The following PLCH2 variants were observed in gnomAD, a reference collection of about 807,000 sequenced individuals.
PLCH2 encodes the protein phospholipase C eta 2.
In PLCH2, 98 loss-of-function variants were observed where a neutral mutation model predicts 134.7. That is an observed-to-expected ratio of 0.73 (90% CI 0.62 to 0.86). PLCH2 has a LOEUF of 0.86. PLCH2 is among the 40% of genes least tolerant of loss of function. The pLI, the probability that PLCH2 is intolerant of heterozygous loss-of-function variation, is 0.00. For synonymous variants in PLCH2, 974 were observed against 827.5 expected, an observed-to-expected ratio of 1.18 and a Z score of -3.04; for missense variants, 1,994 against 1,986.6, an observed-to-expected ratio of 1.00 and a Z score of -0.07.
chr1:2,501,025 A>T (rs2477708), intron 20 of PLCH2: 1 of 150,760 alleles, frequency 6.6e-6, no homozygotes, highest in Non-Finnish European at 1.5e-5. Context: ...ATGCCAGTGC[A>T]TGGGATGAGG....
rs1400730641 is a variant in PLCH2, at chr1:2,495,496, C to T, written c.1761C>T (p.Gly587=). Residue 587 remains glycine (G), a synonymous_variant, in exon 13 of 22, where the codon GGC becomes GGT. Coordinates refer to ENST00000378486, the MANE Select transcript of PLCH2 (RefSeq NM_014638.4). ...VGSFSRRKKK[G]SKLKKAASVE... is the part of the protein sequence containing the mutation. ...CTCTGCCCCCCGCACAGAAGAAGGGCAGCAAGCTGAAGAAGGCGGCCAGCG... is the reference window on the plus strand; with the variant it reads ...CTCTGCCCCCCGCACAGAAGAAGGGTAGCAAGCTGAAGAAGGCGGCCAGCG... The T allele has an allele frequency of 1.3e-6, 2 of 1,551,566 alleles. No homozygotes were observed. The highest frequency in any genetic ancestry group is 1.7e-6 in the Non-Finnish European group (2 of 1,146,978).
intron 2 of PLCH2, among the ~76,000 whole-genome samples, chr1:2,454,864 G>A (rs1409964142): frequency 6.6e-6 from 1 of 152,152 alleles, no homozygotes; most frequent in African/African-American, 2.4e-5. Context: ...GTGAGACAGA[G>A]CAGGTGGCTC....
At chr1:2,420,873 A>G in the PLCH2 span, among the ~76,000 whole-genome samples, 10 of 151,898 alleles carry the variant, frequency 6.6e-5, no homozygotes, top group African/African-American at 2.4e-4. Flanking sequence ...TGTATTTTCC[A>G]GAATGCTGTG....
rs928973187 is a variant in PLCH2 at position 2,495,640 on chromosome 1, C to T, written c.1835+70C>T. 4.5e-5 allele frequency: 50 copies of T among 1,117,284 alleles called. 1 individual carries two copies. The highest frequency in any genetic ancestry group is 5.8e-4 in the Middle Eastern group (2 of 3,450). 69.2% of individuals were successfully genotyped at this position (1,117,284 alleles called of 1,614,324 possible). ...CCTGGCCCAACCGGGCCCTTCTCTG[C>T]GGTGACCCCACCAGGACCATCCCTG... On this transcript the variant is annotated intron_variant, in intron 13 of 21. Transcript: ENST00000378486.
At chr1:2,419,624 C>T in the PLCH2 span, among the ~76,000 whole-genome samples, 6 of 152,098 alleles carry the variant, frequency 3.9e-5, no homozygotes, top group African/African-American at 1.4e-4. Flanking sequence ...CACCCCACCA[C>T]CTCACTGGCT....
upstream of PLCH2, among the ~76,000 whole-genome samples, chr1:2,421,143 C>T (rs1203762547): frequency 6.6e-6 from 1 of 152,134 alleles, no homozygotes; most frequent in Non-Finnish European, 1.5e-5. Flanking sequence ...CGGAATTTCA[C>T]CACGTTGGCC....
intron 2 of PLCH2, among the ~76,000 whole-genome samples, chr1:2,441,889 G>C (rs866169986): frequency 1.3e-5 from 2 of 152,156 alleles, no homozygotes; most frequent in African/African-American, 4.8e-5. Flanking sequence ...GCCCCTCAGG[G>C]TAGTGATGAC....
chr1:2,431,027 C>G (rs1232792021), intron 2 of PLCH2, among the ~76,000 whole-genome samples: 1 of 152,194 alleles, frequency 6.6e-6, no homozygotes, highest in African/African-American at 2.4e-5. Flanking sequence ...ATGTGGCGGA[C>G]AGCTCTGGGG....
Position 2,487,643 on chromosome 1 carries a change from G to T in PLCH2, c.1160G>T (p.Gly387Val). The T allele has an allele frequency of 6.2e-7, 1 of 1,613,454 alleles. No homozygotes were observed. The highest frequency in any genetic ancestry group is 2.2e-5 in the East Asian group (1 of 44,886). ...GACGGGGAGCCCATTGTGCACCATG[G>T]CTACACTCTGACTTCCAAGATCCTC... ...GPDGEPIVHH[G>V]YTLTSKILFK... The change falls in exon 8 of 22, where the codon GGC becomes GTC. Residue 387 changes from glycine (G) to valine (V), a missense_variant. Gly to Val is a moderately radical substitution (Grantham distance 109, BLOSUM62 -3). This residue lies in a region of PLCH2 where 1,094 missense variants were observed against 1,234.3 expected (regional missense o/e 0.89). Transcript: ENST00000378486.
intron 2 of PLCH2, among the ~76,000 whole-genome samples, chr1:2,451,325 T>C (rs912044279): frequency 1.1e-4 from 17 of 152,200 alleles, no homozygotes; most frequent in African/African-American, 4.1e-4. Flanking sequence ...CCGAAGATCA[T>C]ACGCAGTAGC....
chr1:2,445,916 C>T (rs899661879), intron 2 of PLCH2, among the ~76,000 whole-genome samples: 2 of 152,230 alleles, frequency 1.3e-5, no homozygotes, highest in Non-Finnish European at 2.9e-5. Flanking sequence ...AATAGGACCG[C>T]TTCATTAGCT....
chr1:2,441,669 C>G (rs1273474330), intron 2 of PLCH2, among the ~76,000 whole-genome samples: 1 of 152,168 alleles, frequency 6.6e-6, no homozygotes, highest in African/African-American at 2.4e-5. Context: ...AGCAGAGAAG[C>G]TGCAGGAGCC....
At chr1:2,417,186 A>G in the PLCH2 span, among the ~76,000 whole-genome samples, 5 of 152,156 alleles carry the variant, frequency 3.3e-5, no homozygotes, top group African/African-American at 9.7e-5. Flanking sequence ...CCTCGCTGAT[A>G]GGAAATGAGG....
At chr1:2,467,127 C>G (rs1641092660), upstream of PLCH2, among the ~76,000 whole-genome samples, 1 of 148,002 alleles carries the variant, frequency 6.8e-6, no homozygotes, top group Non-Finnish European at 1.5e-5. Context: ...AGCCAGGGAG[C>G]ATTTGGCTCT....
At chr1:2,457,859 T>C (rs540487258) in intron 2 of PLCH2, among the ~76,000 whole-genome samples, 1 of 150,114 alleles carries the variant, frequency 6.7e-6, no homozygotes, top group East Asian at 2.0e-4. Flanking sequence ...GCAGGCTGCT[T>C]TCTTTTCTGT....
At chr1:2,485,729 G>T (rs1028559796) in intron 5 of PLCH2, among the ~76,000 whole-genome samples, 1 of 152,104 alleles carries the variant, frequency 6.6e-6, no homozygotes, top group Non-Finnish European at 1.5e-5. Flanking sequence ...CCTGCGCTGC[G>T]TCAGCCTCTC....
chr1:2,494,912 T>C lies in PLCH2; in HGVS notation c.1716T>C (p.Asn572=), dbSNP rs756066288. 2.1e-5 allele frequency: 33 copies of C among 1,604,178 alleles called. No homozygotes were observed. In the East Asian group the frequency reaches 7.0e-4, roughly 34 times the overall value. ...AGGATGCCGGGGCCAGCAGACGCAATGGCCGCCTCGTCGTGGGAAGCTTCT... is the reference window on the plus strand; with the variant it reads ...AGGATGCCGGGGCCAGCAGACGCAACGGCCGCCTCGTCGTGGGAAGCTTCT... The part of the protein sequence containing the change: ...SGEDAGASRR[N]GRLVVGSFSR... Residue 572 remains asparagine (N), a synonymous_variant, in exon 12 of 22, where the codon AAT becomes AAC. Coordinates refer to ENST00000378486, the MANE Select transcript of PLCH2 (RefSeq NM_014638.4).
chr1:2,473,965 G>A (rs943483778), upstream of PLCH2, among the ~76,000 whole-genome samples: 1 of 152,256 alleles, frequency 6.6e-6, no homozygotes, highest in African/African-American at 2.4e-5. Flanking sequence ...GAGGCGGCCT[G>A]GGGGTGGGTG....
Position 2,480,273 on chromosome 1 carries a change from C to A in PLCH2, c.606C>A (p.Asn202Lys). 4 of 1,612,688 alleles carry A rather than the reference C, an allele frequency of 2.5e-6. No individual in the cohort carries two copies. Among genetic ancestry groups the A allele is most frequent in the Non-Finnish European group, 3.4e-6 (4 of 1,179,800 alleles). ...TCCTGCAGCTGCTGCACAAGCTCAA[C>A]GTGAACCTGCCCCGGCAGAGGGTGA... is the stretch of plus-strand genomic sequence containing the variant. ...GEVLQLLHKL[N>K]VNLPRQRVKQ... Residue 202 changes from asparagine (N) to lysine (K), a missense_variant, in exon 4 of 22, where the codon AAC becomes AAA. By Grantham distance (94) the Asn-to-Lys change is moderately conservative. Around this residue, in one of 2 missense-constraint regions of PLCH2, gnomAD observed 1,094 missense variants for 1,234.3 expected, o/e 0.89. Coordinates refer to ENST00000378486, the MANE Select transcript of PLCH2 (RefSeq NM_014638.4).
Sources: allele counts gnomAD v4.1 joint callset (sites outside exome capture counted in the v4.1 genomes callset), GRCh38; gene constraint gnomAD v4.1.1; regional missense constraint gnomAD v4.1.1; transcripts MANE v1.5; gene names NCBI Gene and HGNC (gene_info 2026-07-23, HGNC 2026-07-21).